PDLIM5: variants seen among roughly 807,000 people sequenced by gnomAD.
The protein encoded by PDLIM5 is PDZ and LIM domain protein 5.
Under a neutral mutation model 64.2 loss-of-function variants are expected in PDLIM5, and 34 were observed. The ratio of observed to expected loss-of-function variants is 0.53; its 90% CI spans 0.40 to 0.71. PDLIM5 has a LOEUF of 0.71. Among genes scored for constraint, PDLIM5 ranks in the 30% least tolerant of loss-of-function variants. The pLI, the probability that PDLIM5 is intolerant of heterozygous loss-of-function variation, is 0.00. For synonymous variants in PDLIM5, 253 were observed against 269.1 expected, an observed-to-expected ratio of 0.94 and a Z score of 0.59; for missense variants, 683 against 733.6, an observed-to-expected ratio of 0.93 and a Z score of 0.80.
intron 7 of PDLIM5, chr4:94,587,078 A>G: frequency 6.2e-7 from 1 of 1,607,514 alleles, no homozygotes; most frequent in Non-Finnish European, 8.5e-7. Flanking sequence ...CTTAACGTAC[A>G]GTGATTTATG....
Position 94,611,226 on chromosome 4 carries a change from T to C in PDLIM5, c.921-6778T>C, listed in dbSNP as rs771387385. 11 of 1,526,566 alleles carry C rather than the reference T, an allele frequency of 7.2e-6. No homozygotes were observed. The South Asian group carries it at 1.3e-4, about 18-fold the overall frequency. 94.6% of individuals were successfully genotyped at this position (1,526,566 alleles called of 1,614,324 possible). The stretch of plus-strand genomic sequence containing the variant: ...GTACTGTGGGAGCAGATATGGCAAG[T>C]GGTGGTTCGCTGTTAAGCATACTGC... On this transcript the variant is annotated intron_variant, in intron 7 of 12. Transcript: ENST00000317968.
chr4:94,533,649 G>A (rs904481548), intron 3 of PDLIM5, among the ~76,000 whole-genome samples: 22 of 152,298 alleles, frequency 1.4e-4, no homozygotes, highest in Admixed American at 4.6e-4. Context: ...GCCTTCTAGG[G>A]CTTTTACACA....
intron 2 of PDLIM5, among the ~76,000 whole-genome samples, chr4:94,481,834 C>T (rs891955117): frequency 3.9e-5 from 6 of 152,172 alleles, no homozygotes; most frequent in African/African-American, 1.4e-4. Flanking sequence ...TGGTCTTGAT[C>T]TCCTGACCTC....
intron 8 of PDLIM5, among the ~76,000 whole-genome samples, chr4:94,635,708 T>G (rs2110444084): frequency 6.6e-6 from 1 of 152,288 alleles, no homozygotes; most frequent in South Asian, 2.1e-4. Context: ...CCTCACCCTG[T>G]TACACGTCCC....
rs1743068641 is a variant in PDLIM5, at chr4:94,666,088, T to C, written c.*2021T>C. Reference sequence around the variant, plus strand: ...AAATTTGTTTGGGGCAAGGTGATTTTATAGTCGAGACAGAGCCCTAGGTCC... The same window carrying C: ...AAATTTGTTTGGGGCAAGGTGATTTCATAGTCGAGACAGAGCCCTAGGTCC... On this transcript the variant is annotated 3_prime_UTR_variant, in exon 13 of 13. Transcript: ENST00000317968. 2 of 1,425,026 alleles carry C rather than the reference T, an allele frequency of 1.4e-6. No homozygotes were observed. The highest frequency in any genetic ancestry group is 1.4e-5 in the African/African-American group (1 of 70,782). The allele number at this position is 1,425,026 out of a possible 1,614,324, so 88.3% of individuals were successfully genotyped here. A position where few individuals can be genotyped will look rare whatever the true frequency, so the allele number is the denominator to read the frequency against.
At chr4:94,564,656 CTTT>C (rs768721210) in intron 3 of PDLIM5, among the ~76,000 whole-genome samples, 17 of 104,494 alleles carry the variant, frequency 1.6e-4, no homozygotes, top group East Asian at 5.1e-4. Flanking sequence ...AATTTTGTCT[CTTT>C]TTTTTTTTTT....
intron 2 of PDLIM5, among the ~76,000 whole-genome samples, chr4:94,464,056 G>C (rs1412163679): frequency 6.6e-6 from 1 of 152,142 alleles, no homozygotes; most frequent in East Asian, 1.9e-4. Flanking sequence ...GGATGCCAGG[G>C]ATATTTATAT....
chr4:94,653,673 A>G (rs184803189), intron 9 of PDLIM5, among the ~76,000 whole-genome samples: 5 of 152,258 alleles, frequency 3.3e-5, no homozygotes, highest in East Asian at 1.9e-4. Flanking sequence ...CAAGATGAAT[A>G]AGTTCTAGAG....
intron 2 of PDLIM5, among the ~76,000 whole-genome samples, chr4:94,476,690 A>G (rs1400307348): frequency 6.6e-6 from 1 of 152,086 alleles, no homozygotes; most frequent in Non-Finnish European, 1.5e-5. Context: ...TTTCATGCTT[A>G]TAATAGTTTA....
intron 5 of PDLIM5, chr4:94,579,246 A>C (rs1735541246): frequency 4.4e-6 from 1 of 229,474 alleles, no homozygotes; most frequent in Non-Finnish European, 8.5e-6. Context: ...TACTCTACTA[A>C]GAGCCAAATG....
intron 3 of PDLIM5, among the ~76,000 whole-genome samples, chr4:94,562,239 A>G (rs1430857600): frequency 6.6e-6 from 1 of 152,172 alleles, no homozygotes; most frequent in East Asian, 1.9e-4. Context: ...TGTTTATCAA[A>G]CTGAGGCTTA....
chr4:94,453,859 A>T (rs1723084562), intron 1 of PDLIM5, among the ~76,000 whole-genome samples: 3 of 152,138 alleles, frequency 2.0e-5, no homozygotes, highest in Admixed American at 2.0e-4. Context: ...TACTGAAGTA[A>T]TGTGTTATTG....
chr4:94,546,982 A>G lies in PDLIM5; in HGVS notation c.248+23107A>G, dbSNP rs1017967780. Among the ~76,000 whole-genome samples, 7 of 152,252 alleles carry G rather than the reference A, an allele frequency of 4.6e-5. No homozygotes were observed. In the South Asian group the frequency reaches 1.5e-3, roughly 32 times the overall value. On this transcript the variant is annotated intron_variant, in intron 3 of 12. Transcript: ENST00000317968. ...TCTTAGGGCTTAAGGAAAAAAAAAT[A>G]TATATCTAAAGTTAGTGGTAAAACT...
chr4:94,481,670 G>A (rs554228840), intron 2 of PDLIM5, among the ~76,000 whole-genome samples: 21 of 151,824 alleles, frequency 1.4e-4, no homozygotes, highest in Non-Finnish European at 2.2e-4. Context: ...GTGCAGTGGC[G>A]CGATCTCCGC....
intron 8 of PDLIM5, among the ~76,000 whole-genome samples, chr4:94,627,356 G>A (rs546059488): frequency 2.6e-5 from 4 of 152,058 alleles, no homozygotes; most frequent in Non-Finnish European, 5.9e-5. Context: ...TTTGCGTGTT[G>A]GAAGCTTTCC....
chr4:94,490,432 A>G (rs181320282), intron 2 of PDLIM5, among the ~76,000 whole-genome samples: 2 of 152,250 alleles, frequency 1.3e-5, no homozygotes, highest in Admixed American at 1.3e-4. Context: ...TATATTCCAT[A>G]CACTATGTAT....
intron 2 of PDLIM5, among the ~76,000 whole-genome samples, chr4:94,472,777 A>G (rs1724993135): frequency 6.6e-6 from 1 of 152,218 alleles, no homozygotes; most frequent in Non-Finnish European, 1.5e-5. Flanking sequence ...AAATTATAAA[A>G]TTTAGCAAAT....
chr4:94,466,926 C>T (rs889463565), intron 2 of PDLIM5, among the ~76,000 whole-genome samples: 23 of 152,162 alleles, frequency 1.5e-4, no homozygotes, highest in African/African-American at 5.6e-4. Context: ...CAGAGACTTA[C>T]AGAGAAATCC....
At chr4:94,523,610 G>T in intron 2 of PDLIM5, 114 bp from the exon 3 acceptor site, 1 of 597,200 alleles carries the variant, frequency 1.7e-6, no homozygotes, top group Non-Finnish European at 2.8e-6. Flanking sequence ...ACAGTTTTAT[G>T]TTACTTCAAT....
Sources: gnomAD v4.1 joint callset for allele counts (sites outside exome capture counted in the v4.1 genomes callset) on GRCh38, gnomAD v4.1.1 for gene constraint, MANE v1.5 for transcripts, NCBI Gene and HGNC (gene_info 2026-07-23, HGNC 2026-07-21) for gene names.